Variants in ADARB2 observed in about 807,000 individuals in gnomAD.
ADARB2 encodes inactive double-stranded RNA-specific editase B2.
ADARB2 carries 25 observed loss-of-function variants against 62.2 expected under a neutral mutation model. That is an observed-to-expected ratio of 0.40 (90% confidence interval 0.29 to 0.56). ADARB2 has a LOEUF of 0.56. Ranked by LOEUF, ADARB2 falls within the 20% of genes least tolerant of loss-of-function variation. The pLI is 0.43. For synonymous variants in ADARB2, 572 were observed against 500.8 expected (o/e 1.14, Z -1.90); for missense variants, 1,071 against 1,077.4 (o/e 0.99, Z 0.08).
chr10:1,486,722 C>T (rs1210621663), intron 1 of ADARB2, among the ~76,000 whole-genome samples: 1 of 152,058 alleles, frequency 6.6e-6, no homozygotes, highest in Non-Finnish European at 1.5e-5. Context: ...TGAGGGTGAC[C>T]AGGGTTGGTG....
At chr10:1,689,990 GTTT>G (rs1564368495) in intron 1 of ADARB2, among the ~76,000 whole-genome samples, 1 of 151,846 alleles carries the variant, frequency 6.6e-6, no homozygotes, top group African/African-American at 2.4e-5. Flanking sequence ...TTTTGTTTTT[GTTT>G]TTTGTTTGTT....
chr10:1,714,288 G>A (rs1438805930), intron 1 of ADARB2, among the ~76,000 whole-genome samples: 2 of 152,198 alleles, frequency 1.3e-5, no homozygotes, highest in Non-Finnish European at 2.9e-5. Context: ...TGTGAGTGTC[G>A]CTATCTAGAA....
rs1832845083 is a variant in ADARB2, at chr10:1,420,705, G to C, written c.101-41545C>G. 5.3e-5 allele frequency among the ~76,000 whole-genome samples: 8 copies of C among 151,960 alleles called. No individual in the cohort carries two copies. The South Asian group carries it at 1.7e-3, about 32-fold the overall frequency. ...CAGCGCTGACAGAGAGGGAGCCGCT[G>C]CCTGCCGCTGAGAACACAGGCTCTG... On this transcript the variant is annotated intron_variant, in intron 1 of 9. Transcript: ENST00000381312.
intron 1 of ADARB2, among the ~76,000 whole-genome samples, chr10:1,595,262 A>T (rs1833317213): frequency 6.6e-6 from 1 of 152,222 alleles, no homozygotes; most frequent in Non-Finnish European, 1.5e-5. Context: ...GATTAAATTC[A>T]AGAAATGCGC....
chr10:1,633,933 A>G (rs1833882032), intron 1 of ADARB2, among the ~76,000 whole-genome samples: 1 of 152,126 alleles, frequency 6.6e-6, no homozygotes, highest in South Asian at 2.1e-4. Flanking sequence ...GCGACCCGCC[A>G]TCCTACATGG....
chr10:1,502,241 ATGCTGCATCTCCCACAAC>A (rs1284044277), intron 1 of ADARB2, among the ~76,000 whole-genome samples: 15 of 152,198 alleles, frequency 9.9e-5, no homozygotes, highest in African/African-American at 3.6e-4. Context: ...GGGCTCTGTG[ATGCTGCATCTCCCACAAC>A]TGTCCAGCCA....
chr10:1,560,610 G>C (rs1417011803), intron 1 of ADARB2, among the ~76,000 whole-genome samples: 6 of 149,250 alleles, frequency 4.0e-5, no homozygotes, highest in African/African-American at 1.2e-4. Flanking sequence ...GAGTTCTCCA[G>C]CAAAGCTGGA....
chr10:1,220,321 ATGG>A (rs1403942669), intron 6 of ADARB2, among the ~76,000 whole-genome samples: 15 of 123,346 alleles, frequency 1.2e-4, no homozygotes, highest in South Asian at 6.0e-4. Context: ...GGTAATGGTG[ATGG>A]TGGTGGTGAT....
At chr10:1,575,806 C>T (rs1833003193) in intron 1 of ADARB2, among the ~76,000 whole-genome samples, 1 of 152,170 alleles carries the variant, frequency 6.6e-6, no homozygotes, top group Non-Finnish European at 1.5e-5. Context: ...GGGGCAGTGC[C>T]AGGGTCGTTT....
rs745834121 is a variant in ADARB2, at chr10:1,363,832, G to T, written c.273C>A (p.Gly91=). 3.6e-5 allele frequency: 56 copies of T among 1,565,260 alleles called. No homozygotes were observed. The highest frequency in any genetic ancestry group is 1.1e-4 in the Admixed American group (6 of 55,668). The change falls in exon 3 of 10, where the codon GGC becomes GGA. Residue 91 remains glycine (G), a synonymous_variant. Transcript: ENST00000381312. The part of the protein sequence containing the change: ...RPPPSGDRAR[G]GAPGAKRKRP... ...GCTTCCTCTTCGCGCCGGGCGCGCC[G>T]CCCCGGGCCCGGTCCCCGGAGGGCG...
chr10:1,420,809 A>C (rs1029118778), intron 1 of ADARB2, among the ~76,000 whole-genome samples: 3 of 152,114 alleles, frequency 2.0e-5, no homozygotes, highest in African/African-American at 7.2e-5. Flanking sequence ...CTAGCCACAA[A>C]TTAGAGCCCC....
intron 1 of ADARB2, among the ~76,000 whole-genome samples, chr10:1,429,467 G>A (rs770894674): frequency 2.0e-5 from 3 of 152,138 alleles, no homozygotes; most frequent in Non-Finnish European, 2.9e-5. Context: ...AGAAGACTCC[G>A]TAAAGAGAAT....
intron 3 of ADARB2, among the ~76,000 whole-genome samples, chr10:1,360,743 C>T (rs534829530): frequency 6.6e-5 from 10 of 152,298 alleles, no homozygotes; most frequent in Admixed American, 1.3e-4. Context: ...CGCTGCTCTG[C>T]GCCCTTCGTC....
At chr10:1,332,120 C>A (rs143715736) in intron 3 of ADARB2, among the ~76,000 whole-genome samples, 1 of 152,236 alleles carries the variant, frequency 6.6e-6, no homozygotes, top group Non-Finnish European at 1.5e-5. Flanking sequence ...AATGGACACA[C>A]TTGCTGGGTG....
intron 2 of ADARB2, among the ~76,000 whole-genome samples, chr10:1,370,068 C>CCAA (rs1564271808): frequency 6.6e-6 from 1 of 152,128 alleles, no homozygotes; most frequent in Non-Finnish European, 1.5e-5. Context: ...ACTCAGAATG[C>CCAA]GTGATTTCAG....
chr10:1,425,093 G>C (rs190423026), intron 1 of ADARB2, among the ~76,000 whole-genome samples: 1 of 152,170 alleles, frequency 6.6e-6, no homozygotes, highest in South Asian at 2.1e-4. Flanking sequence ...AAGAGAAGGG[G>C]GTGGTCAGAA....
chr10:1,602,881 ACAC>A (rs573365440), intron 1 of ADARB2, among the ~76,000 whole-genome samples: 1 of 152,070 alleles, frequency 6.6e-6, no homozygotes, highest in Admixed American at 6.5e-5. Flanking sequence ...ATCAACACAC[ACAC>A]ACTTGTACAT....
At chr10:1,517,764 C>T (rs1408342603) in intron 1 of ADARB2, among the ~76,000 whole-genome samples, 1 of 152,104 alleles carries the variant, frequency 6.6e-6, no homozygotes, top group Non-Finnish European at 1.5e-5. Context: ...CTGAGAATCA[C>T]GAGATGGGAT....
At chr10:1,525,565 C>G (rs534717467) in intron 1 of ADARB2, among the ~76,000 whole-genome samples, 9 of 152,208 alleles carry the variant, frequency 5.9e-5, no homozygotes, top group Admixed American at 2.0e-4. Flanking sequence ...GCTGGTGGTC[C>G]ACGTTTTCCT....
Sources: gnomAD v4.1 joint callset for allele counts (sites outside exome capture counted in the v4.1 genomes callset) on GRCh38, gnomAD v4.1.1 for gene constraint, MANE v1.5 for transcripts, NCBI Gene and HGNC (gene_info 2026-07-23, HGNC 2026-07-21) for gene names.